Variants in USP33 observed in about 807,000 individuals in gnomAD.
USP33 encodes ubiquitin specific peptidase 33.
Under a neutral mutation model 124.2 loss-of-function variants are expected in USP33, and 46 were observed. The ratio of observed to expected loss-of-function variants is 0.37; its 90% CI spans 0.29 to 0.47. The LOEUF is 0.47. USP33 is among the 20% of genes least tolerant of loss of function. The probability of loss-of-function intolerance (pLI) is 0.99; values close to 1 mark genes in which losing one functional copy is unlikely to be tolerated. For synonymous variants in USP33, 350 were observed against 352.3 expected (o/e 0.99, Z 0.07); for missense variants, 851 against 1,070.6 (o/e 0.79, Z 2.86).
Position 77,721,928 on chromosome 1 carries a change from G to A in USP33, c.1563-3C>T. ...TAGGGACACATGAGACAACAAACCT[G>A]AAACATCATTGATAGAAAAAAAAGG... On this transcript the variant is annotated splice_polypyrimidine_tract_variant and splice_region_variant and intron_variant, in intron 13 of 23. Transcript: ENST00000370794. 1 of 1,605,018 alleles carries A rather than the reference G, an allele frequency of 6.2e-7. No individual in the cohort carries two copies. Among genetic ancestry groups the A allele is most frequent in the Non-Finnish European group, 8.5e-7 (1 of 1,177,712 alleles).
At position 77,697,358 on chromosome 1, in the gene USP33, G is replaced by T. The variant is rs1236296995; in HGVS notation, c.2695C>A (p.Gln899Lys). The T allele has an allele frequency of 6.2e-7, 1 of 1,609,050 alleles. No individual in the cohort carries two copies. Among genetic ancestry groups the T allele is most frequent in the Non-Finnish European group, 8.5e-7 (1 of 1,178,804 alleles). Residue 899 changes from glutamine to lysine, a missense_variant, in exon 24 of 24, where the codon CAA (glutamine) becomes AAA (lysine). Around this residue, in one of 4 missense-constraint regions of USP33, gnomAD observed 142 missense variants for 141.8 expected, o/e 1.00. Transcript: ENST00000370794. Reference sequence around the variant, plus strand: ...TCTACTTCAATTTTTTCTTCTGCTTGAAGTATATCTGGATCAACATGAACA... The same window carrying T: ...TCTACTTCAATTTTTTCTTCTGCTTTAAGTATATCTGGATCAACATGAACA... ...PVVHVDPDIL[Q>K]AEEKIEVETR...
In USP33 at chr1:77,714,728, T is replaced by C. The variant is rs1483833661; in HGVS notation, c.2101A>G (p.Ile701Val). 5.0e-6 allele frequency: 8 copies of C among 1,612,732 alleles called. No individual in the cohort carries two copies. The highest frequency in any genetic ancestry group is 1.7e-5 in the Admixed American group (1 of 59,982). The change falls in exon 19 of 24, where the codon ATA (isoleucine) becomes GTA (valine). Residue 701 changes from isoleucine (I) to valine (V), a missense_variant. Ile to Val is a conservative substitution (Grantham distance 29). Coordinates refer to ENST00000370794, the MANE Select transcript of USP33 (RefSeq NM_201624.3). Reference sequence around the variant, plus strand: ...AACTGAAGGAGGCTTGGTTCCATTATGTTCAATAAATTTGATATCCTTCTC... The same window carrying C: ...AACTGAAGGAGGCTTGGTTCCATTACGTTCAATAAATTTGATATCCTTCTC... ...ERRRISNLLN[I>V]MEPSLLQFYI... is the part of the protein sequence containing the mutation.
At chr1:77,739,533 C>A in intron 4 of USP33, 116 bp from the exon 5 acceptor site, 2 of 967,126 alleles carry the variant, frequency 2.1e-6, no homozygotes, top group Non-Finnish European at 1.4e-6. Flanking sequence ...ACAATATACT[C>A]AAAAGCTAAT....
At position 77,697,235 on chromosome 1, in the gene USP33, C is replaced by T. The variant is rs571921203; in HGVS notation, c.*82G>A. The T allele has an allele frequency of 3.1e-5, 39 of 1,271,116 alleles. No individual in the cohort carries two copies. The East Asian group carries it at 6.4e-4, about 21-fold the overall frequency. 78.7% of individuals were successfully genotyped at this position (1,271,116 alleles called of 1,614,324 possible). A position where few individuals can be genotyped will look rare whatever the true frequency, so the allele number is the denominator to read the frequency against. On this transcript the variant is annotated 3_prime_UTR_variant, in exon 24 of 24. Coordinates refer to ENST00000370794, the MANE Select transcript of USP33 (RefSeq NM_201624.3). ...TGAAAAAAAATAAAGCAAATAAACA[C>T]GCTTTTAGGAATGTTTTCGCATGTG... is the stretch of plus-strand genomic sequence containing the variant.
intron 1 of USP33, among the ~76,000 whole-genome samples, chr1:77,746,049 A>G (rs1293793012): frequency 6.6e-6 from 1 of 151,616 alleles, no homozygotes; most frequent in South Asian, 2.1e-4. Flanking sequence ...AACTGAAGGA[A>G]ATAGAGACAC....
chr1:77,715,952 TA>T (rs1158473269), intron 17 of USP33, 84 bp from the exon 18 acceptor site: 1 of 1,348,406 alleles, frequency 7.4e-7, no homozygotes, highest in African/African-American at 1.5e-5. Context: ...TTCCAGTGCC[TA>T]GCACAGTAGC....
chr1:77,752,083 A>G (rs1231204434), intron 1 of USP33, among the ~76,000 whole-genome samples: 3 of 152,060 alleles, frequency 2.0e-5, no homozygotes, highest in Non-Finnish European at 2.9e-5. Context: ...AAGATAATCA[A>G]TCAGCTATTC....
chr1:77,741,591 C>G, intron 2 of USP33, 26 bp downstream of exon 2: 3 of 1,565,762 alleles, frequency 1.9e-6, no homozygotes, highest in Non-Finnish European at 2.6e-6. Flanking sequence ...AATAGTTTTT[C>G]AAGGAAGAAA....
At chr1:77,698,868 G>T (rs1229610868) in intron 22 of USP33, among the ~76,000 whole-genome samples, 1 of 152,092 alleles carries the variant, frequency 6.6e-6, no homozygotes, top group Non-Finnish European at 1.5e-5. Context: ...CTATAAAATA[G>T]CAATTCCTTT....
intron 21 of USP33, among the ~76,000 whole-genome samples, chr1:77,706,212 A>G (rs1674610391): frequency 6.6e-6 from 1 of 152,226 alleles, no homozygotes; most frequent in South Asian, 2.1e-4. Flanking sequence ...AGTTGAACCT[A>G]CAAGAAATTA....
At chr1:77,748,714 G>A (rs1453632635) in intron 1 of USP33, among the ~76,000 whole-genome samples, 10 of 138,830 alleles carry the variant, frequency 7.2e-5, no homozygotes, top group Admixed American at 2.4e-4. Context: ...GGCTAATATT[G>A]TATTTAGAAA....
intron 1 of USP33, among the ~76,000 whole-genome samples, chr1:77,758,055 C>T (rs1680964219): frequency 6.7e-6 from 1 of 150,138 alleles, no homozygotes; most frequent in Admixed American, 6.7e-5. Flanking sequence ...TCAGAAAAGA[C>T]AGAAAAAAAG....
chr1:77,730,225 T>C (rs550141706), intron 8 of USP33, among the ~76,000 whole-genome samples: 2 of 152,320 alleles, frequency 1.3e-5, no homozygotes, highest in African/African-American at 4.8e-5. Context: ...ATTATTAACA[T>C]ATTACAGCAA....
At position 77,717,915 on chromosome 1, in the gene USP33, C is replaced by G. The variant is rs1483939148; in HGVS notation, c.1870G>C (p.Val624Leu). 6.2e-7 allele frequency: 1 copy of G among 1,613,208 alleles called. No homozygotes were observed. Among genetic ancestry groups the G allele is most frequent in the Non-Finnish European group, 8.5e-7 (1 of 1,179,654 alleles). ...FLAKDSPAQI[V>L]TYDLLSVICH... ...ATGACTGACAGAAGATCATATGTCA[C>G]AATTTGAGCTGGACTATCCTTAGCA... Residue 624 changes from valine to leucine, a missense_variant, in exon 17 of 24, where the codon GTG becomes CTG. Transcript: ENST00000370794.
chr1:77,724,547 T>G (rs1207727373), intron 11 of USP33, among the ~76,000 whole-genome samples: 1 of 152,166 alleles, frequency 6.6e-6, no homozygotes, highest in Non-Finnish European at 1.5e-5. Context: ...TGGTAGACAC[T>G]CTGGTAAAAA....
At position 77,723,312 on chromosome 1, in the gene USP33, C is replaced by G; in HGVS notation, c.1389+19G>C. ...ATTTGACACGAATTTTCTGTGTATT[C>G]TAATACCCTCATACTCACCCTGTCA... is the stretch of plus-strand genomic sequence containing the variant. On this transcript the variant is annotated intron_variant, in intron 12 of 23. Coordinates refer to ENST00000370794, the MANE Select transcript of USP33 (RefSeq NM_201624.3). 1 of 1,533,800 alleles carries G rather than the reference C, an allele frequency of 6.5e-7. No individual in the cohort carries two copies. Among genetic ancestry groups the G allele is most frequent in the Non-Finnish European group, 9.0e-7 (1 of 1,113,090 alleles).
chr1:77,757,730 A>C (rs576686199), intron 1 of USP33, among the ~76,000 whole-genome samples: 1 of 152,292 alleles, frequency 6.6e-6, no homozygotes, highest in East Asian at 1.9e-4. Flanking sequence ...CTGAATTCCC[A>C]ATCTGTATCA....
intron 5 of USP33, among the ~76,000 whole-genome samples, chr1:77,738,841 T>G (rs1372505646): frequency 6.6e-6 from 1 of 152,134 alleles, no homozygotes; most frequent in Non-Finnish European, 1.5e-5. Context: ...TCTACTTTGT[T>G]GTCAATAATA....
chr1:77,718,119 A>G (rs778048898), intron 16 of USP33, 72 bp from the exon 17 acceptor site: 2 of 1,311,980 alleles, frequency 1.5e-6, no homozygotes, highest in African/African-American at 3.0e-5. Flanking sequence ...GGTAAAACTT[A>G]GTAACATTTT....
Sources: allele counts gnomAD v4.1 joint callset (sites outside exome capture counted in the v4.1 genomes callset), GRCh38; gene constraint gnomAD v4.1.1; regional missense constraint gnomAD v4.1.1; transcripts MANE v1.5; gene names NCBI Gene and HGNC (gene_info 2026-07-23, HGNC 2026-07-21).